The following GPM6A variants were observed in gnomAD, a reference collection of about 807,000 sequenced individuals.
GPM6A encodes the protein glycoprotein M6A.
In GPM6A, 7 loss-of-function variants were observed where a neutral mutation model predicts 32.1. The observed-to-expected ratio is 0.22, with a 90% CI of 0.12 to 0.41. The LOEUF is 0.41. GPM6A is among the 10% of genes least tolerant of loss of function. GPM6A has a pLI of 1.00. For synonymous variants in GPM6A, 130 were observed against 123.4 expected (o/e 1.05, Z -0.35); for missense variants, 235 against 347.2 (o/e 0.68, Z 2.57).
At chr4:175,971,270 GAA>G (rs146658517) in intron 1 of GPM6A, among the ~76,000 whole-genome samples, 72 of 131,956 alleles carry the variant, frequency 5.5e-4, no homozygotes, top group East Asian at 6.5e-4. Flanking sequence ...TATCTTCCGT[GAA>G]AAAAAAAAAA....
At chr4:175,943,850 T>C (rs12500012) in intron 1 of GPM6A, among the ~76,000 whole-genome samples, 76,418 of 152,028 alleles carry the variant, frequency 0.5, 22,859 homozygotes, top group Admixed American at 0.64. Flanking sequence ...TCTTTGTTTG[T>C]TGTGTCTCTG....
At chr4:175,766,437 A>T (rs936966642) in intron 1 of GPM6A, among the ~76,000 whole-genome samples, 1 of 152,208 alleles carries the variant, frequency 6.6e-6, no homozygotes, top group Non-Finnish European at 1.5e-5. Flanking sequence ...AGATTAAATG[A>T]GTGATTCCAA....
At chr4:175,862,772 C>T (rs559375246) in intron 1 of GPM6A, among the ~76,000 whole-genome samples, 8 of 151,338 alleles carry the variant, frequency 5.3e-5, no homozygotes, top group East Asian at 1.9e-4. Flanking sequence ...CATTTTCATT[C>T]GAGCAATTCT....
intron 1 of GPM6A, among the ~76,000 whole-genome samples, chr4:175,875,324 TG>T (rs1313818036): frequency 6.6e-6 from 1 of 152,218 alleles, no homozygotes; most frequent in East Asian, 1.9e-4. Context: ...AATTTTCTTT[TG>T]CTTAAATTAG....
rs1273489453 is a variant in GPM6A at position 175,734,570 on chromosome 4, A to ATT, written c.38-32804_38-32803insAA. Among the ~76,000 whole-genome samples the ATT allele has an allele frequency of 2.6e-3, 390 of 151,692 alleles. 5 individuals are homozygous for ATT. Among genetic ancestry groups the ATT allele is most frequent in the African/African-American group, 8.8e-3 (364 of 41,438 alleles). On this transcript the variant is annotated intron_variant, in intron 1 of 6. Coordinates refer to ENST00000393658, the MANE Select transcript of GPM6A (RefSeq NM_201591.3). Reference sequence around the variant, plus strand: ...ATGTAATCAGTCCTTTACTTTTTAAAAAAAAAAAATGCTATATAATAGGCT... The same window carrying ATT: ...ATGTAATCAGTCCTTTACTTTTTAAATTAAAAAAAAATGCTATATAATAGGCT...
intron 1 of GPM6A, among the ~76,000 whole-genome samples, chr4:175,725,956 A>T (rs977093098): frequency 4.6e-5 from 7 of 150,816 alleles, no homozygotes; most frequent in African/African-American, 1.7e-4. Context: ...ATTTATTTTC[A>T]TGTATCATAC....
At chr4:175,990,727 T>C (rs972635035) in intron 1 of GPM6A, among the ~76,000 whole-genome samples, 7 of 151,590 alleles carry the variant, frequency 4.6e-5, no homozygotes, top group Non-Finnish European at 8.8e-5. Flanking sequence ...GATGATATAA[T>C]GAGATATGTG....
rs189123747 is a variant in GPM6A at position 175,634,710 on chromosome 4, C to A, written c.*195G>T. The A allele has an allele frequency of 4.0e-5, 20 of 505,070 alleles. No individual in the cohort carries two copies. Among genetic ancestry groups the A allele is most frequent in the African/African-American group, 3.7e-4 (19 of 50,964 alleles). The allele number at this position is 505,070 out of a possible 1,614,324, so 31.3% of individuals were successfully genotyped here. On this transcript the variant is annotated 3_prime_UTR_variant, in exon 7 of 7. Transcript: ENST00000393658. ...CTGGATAGGAGCTTGTAGAAAAGATCTGATTTACATCAATTTAATAAATTG... is the reference window on the plus strand; with the variant it reads ...CTGGATAGGAGCTTGTAGAAAAGATATGATTTACATCAATTTAATAAATTG...
chr4:175,686,588 C>T (rs1196129964), intron 2 of GPM6A, among the ~76,000 whole-genome samples: 1 of 152,172 alleles, frequency 6.6e-6, no homozygotes, highest in African/African-American at 2.4e-5. Flanking sequence ...CCCGCAACCA[C>T]CAGAGTCAGG....
chr4:175,930,262 AAC>A (rs2126306875), intron 1 of GPM6A, among the ~76,000 whole-genome samples: 1 of 152,236 alleles, frequency 6.6e-6, no homozygotes, highest in East Asian at 1.9e-4. Context: ...GCAGTTTCAA[AAC>A]AAAACTGCCA....
Position 175,712,542 on chromosome 4 carries a change from G to T in GPM6A, c.38-10775C>A, listed in dbSNP as rs73004337. ...TATTTCTGAAAACTTGTAACAATTC[G>T]AAGTTAGCTTTAAGACCTTTTTGTG... On this transcript the variant is annotated intron_variant, in intron 1 of 6. Transcript: ENST00000393658. Among the ~76,000 whole-genome samples, 763 of 152,302 alleles carry T rather than the reference G, an allele frequency of 5.0e-3. 8 individuals are homozygous for T. Among genetic ancestry groups the T allele is most frequent in the African/African-American group, 0.017 (720 of 41,562 alleles).
chr4:175,970,293 C>T (rs1309494654), intron 1 of GPM6A, among the ~76,000 whole-genome samples: 1 of 152,144 alleles, frequency 6.6e-6, no homozygotes, highest in Admixed American at 6.6e-5. Context: ...GAAGGTCAGA[C>T]TCTCATTGCA....
At chr4:175,894,252 A>T (rs984257149) in intron 1 of GPM6A, among the ~76,000 whole-genome samples, 5 of 152,142 alleles carry the variant, frequency 3.3e-5, no homozygotes, top group Admixed American at 6.6e-5. Flanking sequence ...TTGCTCAGAA[A>T]AAAAAGGAAA....
intron 1 of GPM6A, among the ~76,000 whole-genome samples, chr4:175,902,735 C>T (rs1195302505): frequency 1.3e-5 from 2 of 151,982 alleles, no homozygotes; most frequent in African/African-American, 4.8e-5. Flanking sequence ...ACCCATTTTT[C>T]TCCGGGACCC....
At chr4:175,773,492 T>A (rs1334058689) in intron 1 of GPM6A, among the ~76,000 whole-genome samples, 1 of 152,196 alleles carries the variant, frequency 6.6e-6, no homozygotes, top group African/African-American at 2.4e-5. Flanking sequence ...TAAAAAAGGA[T>A]GATTCTCAAG....
intron 6 of GPM6A, among the ~76,000 whole-genome samples, chr4:175,637,088 A>G (rs1378715417): frequency 3.6e-5 from 3 of 83,374 alleles, no homozygotes; most frequent in African/African-American, 4.5e-5. Flanking sequence ...ATAACATATA[A>G]TATATCATAT....
intron 1 of GPM6A, among the ~76,000 whole-genome samples, chr4:175,775,946 A>G (rs1157735467): frequency 1.3e-5 from 2 of 152,188 alleles, no homozygotes; most frequent in East Asian, 3.9e-4. Flanking sequence ...AATATGAAAC[A>G]GGAAACCTTG....
rs879879109 is a variant in GPM6A at position 175,923,521 on chromosome 4, TG to T, written c.-23+78787del. Among the ~76,000 whole-genome samples, 555 of 151,264 alleles carry T rather than the reference TG, an allele frequency of 3.7e-3. 2 individuals are homozygous for T. The highest frequency in any genetic ancestry group is 6.9e-3 in the Non-Finnish European group (467 of 67,814). On this transcript the variant is annotated intron_variant, in intron 1 of 7. Coordinates refer to the GPM6A transcript ENST00000280187. ...CTCCATGCTCACCTTCCTGCAGTTT[TG>T]GGGTTTTTTTTGTTGCTTTGTGTTT...
At chr4:175,742,130 A>C (rs1384720737) in intron 1 of GPM6A, among the ~76,000 whole-genome samples, 1 of 152,152 alleles carries the variant, frequency 6.6e-6, no homozygotes, top group Non-Finnish European at 1.5e-5. Flanking sequence ...TTTCCTCTTA[A>C]GTGGATGAAA....
Sources: gnomAD v4.1 joint callset for allele counts (sites outside exome capture counted in the v4.1 genomes callset) on GRCh38, gnomAD v4.1.1 for gene constraint, MANE v1.5 for transcripts, NCBI Gene and HGNC (gene_info 2026-07-23, HGNC 2026-07-21) for gene names.